UBL3: variants seen among roughly 807,000 people sequenced by gnomAD.
UBL3 encodes ubiquitin-like protein 3.
A neutral mutation model predicts 18.4 loss-of-function variants in UBL3; 6 were observed. The ratio of observed to expected loss-of-function variants is 0.33; its 90% CI spans 0.18 to 0.64. UBL3 has a LOEUF of 0.64. UBL3 is among the 30% of genes least tolerant of loss of function. The probability of loss-of-function intolerance (pLI) is 0.76; values close to 1 mark genes in which losing one functional copy is unlikely to be tolerated. For missense variants in UBL3, 109 were observed against 142.9 expected, an observed-to-expected ratio of 0.76 and a Z score of 1.21; for synonymous variants, 49 against 46.6, an observed-to-expected ratio of 1.05 and a Z score of -0.21.
chr13:29,833,859 A>G (rs2761938), intron 1 of UBL3, among the ~76,000 whole-genome samples: 58,456 of 152,088 alleles, frequency 0.38, 11,432 homozygotes, highest in African/African-American at 0.47. Flanking sequence ...CTAAAAAAGC[A>G]TCTGACACAT....
chr13:29,778,510 A>G (rs564922166), intron 1 of UBL3, among the ~76,000 whole-genome samples: 6 of 152,328 alleles, frequency 3.9e-5, no homozygotes, highest in African/African-American at 1.4e-4. Flanking sequence ...CATCTAGCCT[A>G]GTTTCTTTAT....
intron 1 of UBL3, among the ~76,000 whole-genome samples, chr13:29,810,395 AT>A (rs1878028046): frequency 6.6e-6 from 1 of 152,086 alleles, no homozygotes; most frequent in Admixed American, 6.6e-5. Flanking sequence ...GAAGGCTAAT[AT>A]TTAAAAAGCA....
chr13:29,834,291 G>A (rs914594509), intron 1 of UBL3, among the ~76,000 whole-genome samples: 1 of 151,782 alleles, frequency 6.6e-6, no homozygotes, highest in Non-Finnish European at 1.5e-5. Context: ...CTTTTTGGAT[G>A]CTCAAATGAA....
chr13:29,771,963 G>C, intron 3 of UBL3, 149 bp downstream of exon 3: 1 of 641,360 alleles, frequency 1.6e-6, no homozygotes, highest in East Asian at 2.8e-5. Context: ...AATATACAAT[G>C]TGAAGGAGTA....
intron 1 of UBL3, among the ~76,000 whole-genome samples, chr13:29,800,500 G>C (rs915761009): frequency 1.3e-5 from 2 of 152,070 alleles, no homozygotes; most frequent in African/African-American, 4.8e-5. Flanking sequence ...TTGATTCAAT[G>C]TAAATAATTC....
At chr13:29,819,388 C>T (rs1878367368) in intron 1 of UBL3, among the ~76,000 whole-genome samples, 1 of 152,156 alleles carries the variant, frequency 6.6e-6, no homozygotes, top group Admixed American at 6.5e-5. Flanking sequence ...ATCAGAAATC[C>T]TGGGATAAAG....
intron 1 of UBL3, among the ~76,000 whole-genome samples, chr13:29,839,699 G>A (rs1055118157): frequency 5.3e-5 from 8 of 152,094 alleles, no homozygotes; most frequent in South Asian, 2.1e-4. Flanking sequence ...AGGCTGAGGC[G>A]GGAGGATCAC....
intron 1 of UBL3, among the ~76,000 whole-genome samples, chr13:29,828,812 AC>A (rs1180347379): frequency 2.0e-5 from 3 of 151,818 alleles, no homozygotes; most frequent in Non-Finnish European, 4.4e-5. Context: ...GGTTTTATCT[AC>A]CTTTGGTCTT....
intron 1 of UBL3, among the ~76,000 whole-genome samples, chr13:29,819,198 T>C (rs1028130983): frequency 2.6e-5 from 4 of 152,180 alleles, no homozygotes; most frequent in East Asian, 1.9e-4. Flanking sequence ...TTCATGAAAG[T>C]TAAAATAAAA....
intron 1 of UBL3, among the ~76,000 whole-genome samples, chr13:29,793,618 T>C (rs1257805388): frequency 6.6e-6 from 1 of 152,208 alleles, no homozygotes; most frequent in African/African-American, 2.4e-5. Flanking sequence ...ATCAATGATA[T>C]AGCCTATACT....
chr13:29,811,308 T>G (rs993032523), intron 1 of UBL3, among the ~76,000 whole-genome samples: 2 of 152,136 alleles, frequency 1.3e-5, no homozygotes, highest in Non-Finnish European at 2.9e-5. Context: ...GATTTTGCAG[T>G]TACTAATTGC....
chr13:29,774,044 A>G (rs1876916742), intron 2 of UBL3, among the ~76,000 whole-genome samples: 1 of 152,204 alleles, frequency 6.6e-6, no homozygotes, highest in African/African-American at 2.4e-5. Context: ...AATAAAAATT[A>G]AAGTATTTCT....
intron 2 of UBL3, among the ~76,000 whole-genome samples, chr13:29,776,261 C>CTTTTTTTTTTTTTTTTT (rs5741722): frequency 2.2e-5 from 2 of 91,698 alleles, no homozygotes; most frequent in Middle Eastern, 6.0e-3. Flanking sequence ...TCTTTTCTTT[C>CTTTTTTTTTTTTTTTTT]TTTTTTTTTT....
rs117632667 is a variant in UBL3, at chr13:29,784,626, C to T, written c.28-7363G>A. On this transcript the variant is annotated intron_variant, in intron 1 of 4. Transcript: ENST00000380680. ...GGAATTATGCTTAAAAGGTAACATA[C>T]TATATGATCCCACTTATACAATATT... Among the ~76,000 whole-genome samples, 163 of 151,056 alleles carry T rather than the reference C, an allele frequency of 1.1e-3. 5 individuals are homozygous for T. The East Asian group carries it at 0.021, about 20-fold the overall frequency.
chr13:29,837,802 C>T (rs1399113227), intron 1 of UBL3, among the ~76,000 whole-genome samples: 2 of 151,814 alleles, frequency 1.3e-5, no homozygotes, highest in South Asian at 2.1e-4. Flanking sequence ...TGGTGATATG[C>T]GCCTGTAATC....
rs949763883 is a variant in UBL3, at chr13:29,766,231, G to A, written c.*1024C>T. 6.6e-6 allele frequency: 1 copy of A among 152,360 alleles called. No individual in the cohort carries two copies. The highest frequency in any genetic ancestry group is 1.5e-5 in the Non-Finnish European group (1 of 67,938). The allele number at this position is 152,360 out of a possible 1,614,324, so 9.4% of individuals were successfully genotyped here. The stretch of plus-strand genomic sequence containing the variant: ...GTGTATGCCATAAAAATCAGCTTTT[G>A]ACTTTAATACAATTGCAAGCACTAA... On this transcript the variant is annotated 3_prime_UTR_variant, in exon 5 of 5. Coordinates refer to ENST00000380680, the MANE Select transcript of UBL3 (RefSeq NM_007106.4).
intron 1 of UBL3, among the ~76,000 whole-genome samples, chr13:29,831,789 G>C (rs1009798522): frequency 6.6e-6 from 1 of 151,634 alleles, no homozygotes; most frequent in Non-Finnish European, 1.5e-5. Flanking sequence ...AGCAGTCTGG[G>C]ACCACTTGGA....
chr13:29,810,296 G>A (rs942604209), intron 1 of UBL3, among the ~76,000 whole-genome samples: 1 of 152,052 alleles, frequency 6.6e-6, no homozygotes, highest in Non-Finnish European at 1.5e-5. Context: ...ACATTTGGGG[G>A]TCATCAGCAT....
chr13:29,792,202 CAA>C (rs1877498208), intron 1 of UBL3, among the ~76,000 whole-genome samples: 1 of 152,066 alleles, frequency 6.6e-6, no homozygotes, highest in Non-Finnish European at 1.5e-5. Flanking sequence ...TAAAATATTT[CAA>C]AGATATACAT....
Sources: allele counts gnomAD v4.1 joint callset (sites outside exome capture counted in the v4.1 genomes callset), GRCh38; gene constraint gnomAD v4.1.1; transcripts MANE v1.5; gene names NCBI Gene and HGNC (gene_info 2026-07-23, HGNC 2026-07-21).